ATP9B: variants seen among roughly 807,000 people sequenced by gnomAD.
ATP9B encodes probable phospholipid-transporting ATPase IIB.
A neutral mutation model predicts 146.1 loss-of-function variants in ATP9B; 110 were observed. The observed-to-expected ratio is 0.75, with a 90% CI of 0.65 to 0.88. The LOEUF (loss-of-function observed/expected upper bound fraction) is 0.88, where lower values mean the gene tolerates loss of function less well. ATP9B is among the 40% of genes least tolerant of loss of function. The pLI is 0.00. For synonymous variants in ATP9B, 604 were observed against 569.7 expected (o/e 1.06, Z -0.86); for missense variants, 1,499 against 1,496.4 (o/e 1.00, Z -0.03).
Position 79,374,025 on chromosome 18 carries a change from C to G in ATP9B, c.3198C>G (p.His1066Gln). The change falls in exon 28 of 30, where the codon CAC (histidine) becomes CAG (glutamine). Residue 1066 changes from histidine (H) to glutamine (Q), a missense_variant. Physicochemically the swap from His to Gln is conservative, Grantham distance 24 (BLOSUM62 0). Coordinates refer to ENST00000426216, the MANE Select transcript of ATP9B (RefSeq NM_198531.5). ...LMVALTVRTW[H>Q]WLMVVAEFLS... is the part of the protein sequence containing the mutation. ...TGGCGCTGACCGTCCGCACGTGGCA[C>G]TGGCTGATGGTGGTGGCCGAGTTCC... is the stretch of plus-strand genomic sequence containing the variant. 6.2e-7 allele frequency: 1 copy of G among 1,614,226 alleles called. No homozygotes were observed. The highest frequency in any genetic ancestry group is 8.5e-7 in the Non-Finnish European group (1 of 1,180,038).
chr18:79,222,787 T>TTA (rs61296140), intron 11 of ATP9B, among the ~76,000 whole-genome samples: 34,039 of 152,082 alleles, frequency 0.22, 4,264 homozygotes, highest in East Asian at 0.52. Flanking sequence ...GGAATTACTA[T>TTA]TATATTAGTA....
intron 11 of ATP9B, among the ~76,000 whole-genome samples, chr18:79,216,938 C>T (rs1184415431): frequency 1.3e-5 from 2 of 152,194 alleles, no homozygotes; most frequent in African/African-American, 4.8e-5. Context: ...AATAGGGATT[C>T]ACGATAGCGG....
At chr18:79,364,277 A>AG (rs1221705659) in intron 26 of ATP9B, 18 of 150,656 alleles carry the variant, frequency 1.2e-4, no homozygotes, top group South Asian at 4.2e-4. Flanking sequence ...AAAAAAAAAA[A>AG]AAAGAAAAGA....
intron 1 of ATP9B, among the ~76,000 whole-genome samples, chr18:79,071,817 T>C (rs2071860821): frequency 6.6e-6 from 1 of 152,196 alleles, no homozygotes; most frequent in Non-Finnish European, 1.5e-5. Context: ...GTTTTTACTT[T>C]GTCTTTAGTT....
intron 8 of ATP9B, among the ~76,000 whole-genome samples, chr18:79,188,066 T>C (rs2095325488): frequency 6.6e-6 from 1 of 152,108 alleles, no homozygotes; most frequent in African/African-American, 2.4e-5. Context: ...CTGAAAGGAT[T>C]ATTGGAATGC....
intron 9 of ATP9B, among the ~76,000 whole-genome samples, chr18:79,201,392 T>C (rs957069500): frequency 1.6e-4 from 25 of 152,228 alleles, no homozygotes; most frequent in African/African-American, 4.8e-5. Context: ...CTTCCTTTTT[T>C]ATAGTGTAAT....
At chr18:79,300,821 A>G (rs1335422371) in intron 13 of ATP9B, among the ~76,000 whole-genome samples, 1 of 152,250 alleles carries the variant, frequency 6.6e-6, no homozygotes, top group East Asian at 1.9e-4. Flanking sequence ...ACAGGTGTTC[A>G]TTATAATATT....
At chr18:79,175,658 AAC>A (rs1054902620) in intron 7 of ATP9B, among the ~76,000 whole-genome samples, 5 of 152,152 alleles carry the variant, frequency 3.3e-5, no homozygotes, top group East Asian at 3.8e-4. Context: ...CACACACAGA[AAC>A]ACACAGATCC....
chr18:79,348,247 T>TGG, intron 25 of ATP9B, 51 bp downstream of exon 25: 7 of 1,094,258 alleles, frequency 6.4e-6, no homozygotes, highest in African/African-American at 6.1e-5. Flanking sequence ...ACTTCTATTT[T>TGG]GAAAAAAAAA....
At chr18:79,244,208 T>A (rs1394716683) in intron 11 of ATP9B, among the ~76,000 whole-genome samples, 1 of 150,402 alleles carries the variant, frequency 6.6e-6, no homozygotes, top group Non-Finnish European at 1.5e-5. Context: ...GCAGGCTCCA[T>A]GGAAGGAGGG....
chr18:79,213,719 G>A (rs1000034660), intron 10 of ATP9B, among the ~76,000 whole-genome samples: 7 of 152,068 alleles, frequency 4.6e-5, no homozygotes, highest in East Asian at 1.9e-4. Context: ...ATATTAGTAC[G>A]TTTCCTAATG....
At chr18:79,215,497 A>C (rs1024353006) in intron 11 of ATP9B, among the ~76,000 whole-genome samples, 2 of 149,974 alleles carry the variant, frequency 1.3e-5, no homozygotes, top group African/African-American at 5.0e-5. Context: ...GGGGAAAGTT[A>C]TCTCTTTAGA....
intron 13 of ATP9B, among the ~76,000 whole-genome samples, chr18:79,299,078 ACAT>A: frequency 6.6e-6 from 1 of 152,122 alleles, no homozygotes; most frequent in Non-Finnish European, 1.5e-5. Flanking sequence ...GCCTGCTGCC[ACAT>A]CATCCTTCAC....
chr18:79,111,672 CTGTA>C (rs773782998), intron 3 of ATP9B, among the ~76,000 whole-genome samples: 28 of 152,178 alleles, frequency 1.8e-4, no homozygotes, highest in Non-Finnish European at 3.7e-4. Flanking sequence ...AGTCAGTAGA[CTGTA>C]GAGTATTGAT....
chr18:79,074,430 G>C (rs2072353327), intron 1 of ATP9B, among the ~76,000 whole-genome samples: 1 of 152,230 alleles, frequency 6.6e-6, no homozygotes, highest in Non-Finnish European at 1.5e-5. Context: ...TCGATGCTCT[G>C]ATGTCTTGGA....
At chr18:79,071,413 T>TTTTTTTTTA (rs2071793777) in intron 1 of ATP9B, among the ~76,000 whole-genome samples, 4 of 142,966 alleles carry the variant, frequency 2.8e-5, no homozygotes, top group East Asian at 2.0e-4. Context: ...TTTTTTTTTT[T>TTTTTTTTTA]GAGACAGGGT....
intron 19 of ATP9B, chr18:79,340,335 G>T (rs2096851615): frequency 6.6e-6 from 1 of 152,162 alleles, no homozygotes; most frequent in Non-Finnish European, 1.5e-5. Flanking sequence ...TCTGAAACTC[G>T]AAGGTGATTT....
chr18:79,337,947 G>T (rs1185366051), intron 19 of ATP9B, among the ~76,000 whole-genome samples: 1 of 152,154 alleles, frequency 6.6e-6, no homozygotes, highest in Admixed American at 6.5e-5. Flanking sequence ...CTCCTGCAGG[G>T]GTCTCTGTGC....
At chr18:79,376,910 G>A (rs1286562540) in intron 29 of ATP9B, among the ~76,000 whole-genome samples, 2 of 152,080 alleles carry the variant, frequency 1.3e-5, no homozygotes, top group Non-Finnish European at 2.9e-5. Context: ...TGTTGGCCAG[G>A]ATGGTCTCGA....
Sources: gnomAD v4.1 joint callset for allele counts (sites outside exome capture counted in the v4.1 genomes callset) on GRCh38, gnomAD v4.1.1 for gene constraint, MANE v1.5 for transcripts, NCBI Gene and HGNC (gene_info 2026-07-23, HGNC 2026-07-21) for gene names.